Variants in LRRTM4 observed in about 807,000 individuals in gnomAD.
The protein encoded by LRRTM4 is leucine rich repeat transmembrane neuronal 4.
A neutral mutation model predicts 47.6 loss-of-function variants in LRRTM4; 25 were observed. The observed-to-expected ratio is 0.53, with a 90% CI of 0.38 to 0.73. LRRTM4 has a LOEUF of 0.73. LRRTM4 is among the 30% of genes least tolerant of loss of function. The pLI, the probability that LRRTM4 is intolerant of heterozygous loss-of-function variation, is 0.00. For missense variants in LRRTM4, 638 were observed against 713.4 expected (o/e 0.89, Z 1.20); for synonymous variants, 311 against 269.5 (o/e 1.15, Z -1.51).
At chr2:77,244,656 CATAAGAAATAAAA>C (rs1675379913) in intron 3 of LRRTM4, among the ~76,000 whole-genome samples, 1 of 151,880 alleles carries the variant, frequency 6.6e-6, no homozygotes, top group South Asian at 2.1e-4. Flanking sequence ...CTTAGAAGTT[CATAAGAAATAAAA>C]TGTGGCAAAA....
At chr2:76,985,477 C>A (rs1407066746) in intron 3 of LRRTM4, among the ~76,000 whole-genome samples, 1 of 151,968 alleles carries the variant, frequency 6.6e-6, no homozygotes, top group Non-Finnish European at 1.5e-5. Context: ...CTTCCAGAGA[C>A]CTTGAGTGAC....
chr2:76,914,864 A>C (rs1429953254), intron 3 of LRRTM4, among the ~76,000 whole-genome samples: 1 of 152,202 alleles, frequency 6.6e-6, no homozygotes, highest in African/African-American at 2.4e-5. Context: ...AATAAAGAGC[A>C]AAGGCTCTAG....
At chr2:76,807,932 C>CCTTT (rs113802010) in intron 3 of LRRTM4, among the ~76,000 whole-genome samples, 121 of 123,168 alleles carry the variant, frequency 9.8e-4, no homozygotes, top group South Asian at 1.7e-3. Context: ...TCTTTCCTTT[C>CCTTT]CTTTCTTTCT....
At position 77,062,993 on chromosome 2, in the gene LRRTM4, C is replaced by T. The variant is rs551707047; in HGVS notation, c.1552-314077G>A. 6.9e-5 allele frequency among the ~76,000 whole-genome samples: 10 copies of T among 144,516 alleles called. No homozygotes were observed. In the East Asian group the frequency reaches 1.2e-3, roughly 17 times the overall value. The allele number at this position is 144,516 out of a possible 152,430, so 94.8% of individuals were successfully genotyped here. A position where few individuals can be genotyped will look rare whatever the true frequency, so the allele number is the denominator to read the frequency against. On this transcript the variant is annotated intron_variant, in intron 3 of 3. Transcript: ENST00000409884. ...TTTTTGAGACAGAGTCTTGCTCTGT[C>T]GCCCAGGCTGGAGTGCAGTGGCACG... is the stretch of plus-strand genomic sequence containing the variant.
At chr2:77,422,810 G>A (rs976224660) in intron 3 of LRRTM4, among the ~76,000 whole-genome samples, 4 of 151,970 alleles carry the variant, frequency 2.6e-5, no homozygotes, top group African/African-American at 9.7e-5. Flanking sequence ...AAGGAAGAAA[G>A]TATAGGAATA....
intron 3 of LRRTM4, among the ~76,000 whole-genome samples, chr2:76,836,829 G>A (rs1308242291): frequency 2.0e-5 from 3 of 152,086 alleles, no homozygotes; most frequent in Admixed American, 2.0e-4. Flanking sequence ...AATGTACCTT[G>A]GGGCTAGGGC....
intron 3 of LRRTM4, among the ~76,000 whole-genome samples, chr2:76,930,191 G>A (rs1674724478): frequency 6.6e-6 from 1 of 152,132 alleles, no homozygotes; most frequent in South Asian, 2.1e-4. Context: ...TCTGTAATTA[G>A]GTAGGGGGTT....
At chr2:76,863,867 A>G (rs1023706137) in intron 3 of LRRTM4, among the ~76,000 whole-genome samples, 1 of 152,184 alleles carries the variant, frequency 6.6e-6, no homozygotes, top group Admixed American at 6.6e-5. Flanking sequence ...CCTGAAATAC[A>G]GTGGTGGCTG....
At chr2:76,833,514 A>G (rs1221308674) in intron 3 of LRRTM4, among the ~76,000 whole-genome samples, 1 of 152,150 alleles carries the variant, frequency 6.6e-6, no homozygotes, top group East Asian at 1.9e-4. Flanking sequence ...CCAGTAGAAA[A>G]TTGATGGTTC....
At chr2:77,281,841 T>C (rs147212095) in intron 3 of LRRTM4, among the ~76,000 whole-genome samples, 56 of 151,964 alleles carry the variant, frequency 3.7e-4, no homozygotes, top group African/African-American at 1.2e-3. Context: ...AGTTTGACCA[T>C]GTAGACTATG....
At chr2:77,275,431 A>G (rs1676318472) in intron 3 of LRRTM4, among the ~76,000 whole-genome samples, 1 of 152,142 alleles carries the variant, frequency 6.6e-6, no homozygotes, top group African/African-American at 2.4e-5. Context: ...AATCAATAGA[A>G]GCTCAGTAAA....
intron 3 of LRRTM4, among the ~76,000 whole-genome samples, chr2:76,790,241 T>C (rs1674901249): frequency 6.6e-6 from 1 of 152,172 alleles, no homozygotes; most frequent in African/African-American, 2.4e-5. Context: ...AATGAGACAG[T>C]CATTGGTTCT....
chr2:76,887,310 T>G (rs1194589321), intron 3 of LRRTM4, among the ~76,000 whole-genome samples: 1 of 151,588 alleles, frequency 6.6e-6, no homozygotes, highest in Non-Finnish European at 1.5e-5. Flanking sequence ...ATTCAAAATT[T>G]GTAAAGCAAC....
At chr2:77,011,353 C>A (rs1010644823) in intron 3 of LRRTM4, among the ~76,000 whole-genome samples, 1 of 151,960 alleles carries the variant, frequency 6.6e-6, no homozygotes, top group Non-Finnish European at 1.5e-5. Context: ...TAGCTACATG[C>A]GTGAGTGGCT....
chr2:77,047,578 C>T (rs542208859), intron 3 of LRRTM4, among the ~76,000 whole-genome samples: 1 of 152,122 alleles, frequency 6.6e-6, no homozygotes, highest in Non-Finnish European at 1.5e-5. Context: ...TACATCTTCA[C>T]ATGATGTTCT....
At chr2:77,517,601 T>C in intron 3 of LRRTM4, 1 of 980,542 alleles carries the variant, frequency 1.0e-6, no homozygotes, top group Non-Finnish European at 1.2e-6. Flanking sequence ...ATCGGATCTA[T>C]ATCCCAGTAA....
chr2:76,852,857 T>G (rs527828342), intron 3 of LRRTM4, among the ~76,000 whole-genome samples: 4 of 152,266 alleles, frequency 2.6e-5, no homozygotes, highest in South Asian at 2.1e-4. Flanking sequence ...GTGATTAGGA[T>G]AGTAGGTTTA....
intron 3 of LRRTM4, among the ~76,000 whole-genome samples, chr2:76,790,834 C>T (rs1345873560): frequency 2.0e-5 from 3 of 152,086 alleles, no homozygotes; most frequent in Non-Finnish European, 4.4e-5. Flanking sequence ...TCAGACTTGG[C>T]ATGTTTCTCT....
chr2:77,337,117 A>G (rs1910846), intron 3 of LRRTM4, among the ~76,000 whole-genome samples: 76,494 of 151,944 alleles, frequency 0.5, 22,684 homozygotes, highest in Non-Finnish European at 0.67. Flanking sequence ...AATTACATTT[A>G]CAACAGACAC....
Sources: gnomAD v4.1 joint callset for allele counts (sites outside exome capture counted in the v4.1 genomes callset) on GRCh38, gnomAD v4.1.1 for gene constraint, MANE v1.5 for transcripts, NCBI Gene and HGNC (gene_info 2026-07-23, HGNC 2026-07-21) for gene names.